DYM: variants seen among roughly 807,000 people sequenced by gnomAD.
The protein encoded by DYM is dymeclin, also known as dyggve-Melchior-Clausen syndrome protein.
Under a neutral mutation model 93.1 loss-of-function variants are expected in DYM, and 78 were observed. The observed-to-expected ratio is 0.84, with a 90% confidence interval of 0.70 to 1.01. DYM has a LOEUF of 1.01. DYM is among the 50% of genes least tolerant of loss of function. The probability of loss-of-function intolerance (pLI) is 0.00; values close to 1 mark genes in which losing one functional copy is unlikely to be tolerated. For missense variants in DYM, 789 were observed against 845.0 expected, an observed-to-expected ratio of 0.93 and a Z score of 0.82; for synonymous variants, 321 against 319.7, an observed-to-expected ratio of 1.00 and a Z score of -0.04.
chr18:49,095,405 G>C (rs985502469), intron 17 of DYM, among the ~76,000 whole-genome samples: 4 of 151,266 alleles, frequency 2.6e-5, no homozygotes, highest in Non-Finnish European at 5.9e-5. Context: ...GTGGGTAAAT[G>C]TAATTTTAGT....
intron 8 of DYM, among the ~76,000 whole-genome samples, chr18:49,308,869 A>G (rs945154390): frequency 1.3e-5 from 2 of 152,160 alleles, no homozygotes; most frequent in African/African-American, 4.8e-5. Flanking sequence ...GATGTTCATT[A>G]AAGTGTTATC....
At chr18:49,454,288 T>C (rs546726329) in intron 1 of DYM, among the ~76,000 whole-genome samples, 29 of 152,196 alleles carry the variant, frequency 1.9e-4, no homozygotes, top group Non-Finnish European at 3.7e-4. Context: ...GAGTCCTCAG[T>C]AAGGCTGTTC....
intron 1 of DYM, among the ~76,000 whole-genome samples, chr18:49,453,313 C>T (rs996171404): frequency 6.6e-6 from 1 of 152,148 alleles, no homozygotes; most frequent in African/African-American, 2.4e-5. Flanking sequence ...AAGCAGGCTG[C>T]CCCAACCAGC....
chr18:49,391,278 G>A (rs967673090), intron 3 of DYM: 5 of 313,854 alleles, frequency 1.6e-5, no homozygotes, highest in Non-Finnish European at 2.5e-5. Context: ...TTGTTCTGGT[G>A]AACATAGTCA....
chr18:49,414,272 AC>A (rs2072648245), intron 2 of DYM, among the ~76,000 whole-genome samples: 1 of 152,202 alleles, frequency 6.6e-6, no homozygotes, highest in African/African-American at 2.4e-5. Flanking sequence ...CTGTGAATGT[AC>A]TTTAAACTGT....
intron 9 of DYM, among the ~76,000 whole-genome samples, chr18:49,286,146 A>G (rs990608558): frequency 7.9e-5 from 12 of 152,270 alleles, no homozygotes; most frequent in African/African-American, 2.9e-4. Flanking sequence ...TGGGTTTTCC[A>G]GGTTAATTCC....
chr18:49,068,674 C>T (rs1307480852), intron 17 of DYM, among the ~76,000 whole-genome samples: 1 of 152,186 alleles, frequency 6.6e-6, no homozygotes, highest in Non-Finnish European at 1.5e-5. Context: ...CCACATACAG[C>T]TCTCATATGC....
intron 13 of DYM, among the ~76,000 whole-genome samples, chr18:49,219,434 C>T (rs1261209904): frequency 2.6e-5 from 4 of 152,198 alleles, no homozygotes; most frequent in East Asian, 3.9e-4. Flanking sequence ...GATACCAAAG[C>T]CTGGCAGAGA....
At chr18:49,226,349 C>G (rs933602091) in intron 13 of DYM, among the ~76,000 whole-genome samples, 1 of 152,130 alleles carries the variant, frequency 6.6e-6, no homozygotes, top group Admixed American at 6.6e-5. Context: ...CTTCTGACTT[C>G]GGACAAAGCA....
At chr18:49,199,995 A>G (rs969610036) in intron 14 of DYM, among the ~76,000 whole-genome samples, 2 of 152,134 alleles carry the variant, frequency 1.3e-5, no homozygotes, top group Non-Finnish European at 2.9e-5. Flanking sequence ...AAAAGAAAAA[A>G]AAAGAAGAAA....
At chr18:49,103,333 T>C (rs944085734) in intron 16 of DYM, among the ~76,000 whole-genome samples, 3 of 152,148 alleles carry the variant, frequency 2.0e-5, no homozygotes, top group African/African-American at 7.2e-5. Flanking sequence ...GATGGGTAGA[T>C]GGCAAAAATT....
chr18:49,421,423 T>A (rs1034272189), intron 2 of DYM, among the ~76,000 whole-genome samples: 1 of 152,174 alleles, frequency 6.6e-6, no homozygotes, highest in African/African-American at 2.4e-5. Flanking sequence ...CCAACAGACC[T>A]GCAGCTGAGG....
chr18:49,089,995 T>G (rs1439818735), intron 17 of DYM, among the ~76,000 whole-genome samples: 5 of 152,174 alleles, frequency 3.3e-5, no homozygotes, highest in African/African-American at 1.2e-4. Context: ...TGTACCAACA[T>G]CCTGCAAATG....
At chr18:49,222,133 T>C (rs530681100) in intron 13 of DYM, among the ~76,000 whole-genome samples, 1 of 152,138 alleles carries the variant, frequency 6.6e-6, no homozygotes, top group East Asian at 1.9e-4. Context: ...ATTCACTTAC[T>C]TAAAATTAGT....
At chr18:49,232,804 TCACC>T (rs2093743837) in intron 13 of DYM, among the ~76,000 whole-genome samples, 2 of 151,614 alleles carry the variant, frequency 1.3e-5, no homozygotes, top group Non-Finnish European at 2.9e-5. Flanking sequence ...AGACCGGGTT[TCACC>T]ACGTTGGCTA....
chr18:49,246,482 AAGAC>A (rs1253477589), intron 13 of DYM, among the ~76,000 whole-genome samples: 3 of 152,326 alleles, frequency 2.0e-5, no homozygotes, highest in East Asian at 1.9e-4. Flanking sequence ...AATTTTGTAA[AAGAC>A]AGAGAGAAAG....
chr18:49,343,981 G>A (rs2064369771), intron 6 of DYM, among the ~76,000 whole-genome samples: 1 of 151,094 alleles, frequency 6.6e-6, no homozygotes, highest in Admixed American at 6.6e-5. Flanking sequence ...CTAGACTCCT[G>A]GAGCCACAGT....
chr18:49,081,691 T>C (rs1487192349), intron 17 of DYM, among the ~76,000 whole-genome samples: 1 of 152,212 alleles, frequency 6.6e-6, no homozygotes, highest in African/African-American at 2.4e-5. Flanking sequence ...GTCAAAGATG[T>C]GGACTGGCAG....
chr18:49,120,668 A>T (rs928960362), intron 15 of DYM, among the ~76,000 whole-genome samples: 1 of 152,230 alleles, frequency 6.6e-6, no homozygotes, highest in East Asian at 1.9e-4. Context: ...GGACTGACTT[A>T]TATTAGTATC....
Sources: gnomAD v4.1 joint callset for allele counts (sites outside exome capture counted in the v4.1 genomes callset) on GRCh38, gnomAD v4.1.1 for gene constraint, MANE v1.5 for transcripts, NCBI Gene and HGNC (gene_info 2026-07-23, HGNC 2026-07-21) for gene names.